Variants in ELP4 observed in about 807,000 individuals in gnomAD.
ELP4 encodes elongator complex protein 4.
In ELP4, 51 loss-of-function variants were observed where a neutral mutation model predicts 48.9. The observed-to-expected ratio is 1.04, with a 90% confidence interval of 0.83 to 1.32. The LOEUF (loss-of-function observed/expected upper bound fraction) is 1.32. ELP4 is among the 40% of genes most tolerant of loss of function. ELP4 has a pLI of 0.00. For missense variants in ELP4, 519 were observed against 514.6 expected, an observed-to-expected ratio of 1.01 and a Z score of -0.08; for synonymous variants, 210 against 189.2, an observed-to-expected ratio of 1.11 and a Z score of -0.90.
chr11:31,713,849 G>A (rs1414638582), intron 9 of ELP4, among the ~76,000 whole-genome samples: 2 of 152,074 alleles, frequency 1.3e-5, no homozygotes, highest in Non-Finnish European at 2.9e-5. Context: ...CTCCTCAAGG[G>A]GAGGTAACAG....
intron 7 of ELP4, among the ~76,000 whole-genome samples, chr11:31,642,845 T>A (rs1018130579): frequency 1.3e-5 from 2 of 151,848 alleles, no homozygotes; most frequent in African/African-American, 4.8e-5. Flanking sequence ...GGGACAAGTT[T>A]GTAAAAAGTT....
At chr11:31,705,317 G>T (rs1282701097) in intron 9 of ELP4, among the ~76,000 whole-genome samples, 1 of 151,990 alleles carries the variant, frequency 6.6e-6, no homozygotes, top group Non-Finnish European at 1.5e-5. Flanking sequence ...TCCCATCATG[G>T]GGCCCCACCC....
intron 3 of ELP4, among the ~76,000 whole-genome samples, chr11:31,548,739 T>C (rs1956781571): frequency 6.6e-6 from 1 of 152,094 alleles, no homozygotes; most frequent in African/African-American, 2.4e-5. Context: ...CAAACTATAC[T>C]ACAAGGCTAC....
Position 31,601,425 on chromosome 11 carries a change from CTAAA to C in ELP4, c.514-2337_514-2334del, listed in dbSNP as rs547781605. ...TAGCTACCATATCTAATTTTAATTT[CTAAA>C]TAAATTAATAACAATTATAATGAGA... On this transcript the variant is annotated intron_variant, in intron 4 of 9. Coordinates refer to ENST00000640961, the MANE Select transcript of ELP4 (RefSeq NM_019040.5). Among the ~76,000 whole-genome samples, 414 of 151,988 alleles carry C rather than the reference CTAAA, an allele frequency of 2.7e-3. 2 individuals carry two copies. The highest frequency in any genetic ancestry group is 9.5e-3 in the African/African-American group (392 of 41,474).
chr11:31,620,362 G>A (rs1167511195), intron 5 of ELP4, among the ~76,000 whole-genome samples: 1 of 152,040 alleles, frequency 6.6e-6, no homozygotes, highest in Non-Finnish European at 1.5e-5. Flanking sequence ...GCAGGTGAGT[G>A]AAAGGTGTGG....
At chr11:31,731,181 G>A (rs1244715749) in intron 9 of ELP4, among the ~76,000 whole-genome samples, 1 of 151,946 alleles carries the variant, frequency 6.6e-6, no homozygotes, top group Non-Finnish European at 1.5e-5. Flanking sequence ...ATAAGAACGT[G>A]AAGAAACAGG....
chr11:31,539,738 T>C lies in ELP4; in HGVS notation c.336T>C (p.Thr112=), dbSNP rs368275336. The change falls in exon 3 of 10, where the codon ACT becomes ACC. Residue 112 remains threonine, a synonymous_variant. Coordinates refer to ENST00000640961, the MANE Select transcript of ELP4 (RefSeq NM_019040.5). ...FLAEGIVNGH[T]LLVASAKEDP... ...CAGAAGGAATTGTCAATGGGCATAC[T>C]TTGTTGGTTGCATCTGCTAAAGAGG... The C allele has an allele frequency of 1.2e-6, 2 of 1,612,378 alleles. No homozygotes were observed. Among genetic ancestry groups the C allele is most frequent in the Non-Finnish European group, 8.5e-7 (1 of 1,179,198 alleles).
intron 7 of ELP4, chr11:31,633,679 A>G (rs1243532110): frequency 6.6e-6 from 1 of 152,030 alleles, no homozygotes; most frequent in Non-Finnish European, 1.5e-5. Context: ...TTAGTACTCG[A>G]ATAATAGTTT....
intron 3 of ELP4, among the ~76,000 whole-genome samples, chr11:31,554,048 A>G (rs1000916571): frequency 6.6e-6 from 1 of 152,116 alleles, no homozygotes; most frequent in Non-Finnish European, 1.5e-5. Flanking sequence ...TAGGTTACGC[A>G]CTCCGAATGA....
At chr11:31,571,404 TTC>T (rs1233394429) in intron 3 of ELP4, among the ~76,000 whole-genome samples, 2 of 152,232 alleles carry the variant, frequency 1.3e-5, no homozygotes, top group African/African-American at 2.4e-5. Flanking sequence ...CTAATTCTAG[TTC>T]TCTTGCTCTT....
Position 31,785,699 on chromosome 11 carries a change from A to G in ELP4, c.*2175A>G, listed in dbSNP as rs1401727341. 1 of 192,844 alleles carries G rather than the reference A, an allele frequency of 5.2e-6. No homozygotes were observed. Among genetic ancestry groups the G allele is most frequent in the Non-Finnish European group, 1.1e-5 (1 of 92,412 alleles). 11.9% of individuals were successfully genotyped at this position (192,844 alleles called of 1,614,324 possible). ...GTATTTTTGTCTTCCTCTGATAAAA[A>G]CGCACTCTGAAAATGTGTTTTCCTT... On this transcript the variant is annotated 3_prime_UTR_variant, in exon 10 of 10. Transcript: ENST00000640961.
chr11:31,551,628 T>C (rs1956853181), intron 3 of ELP4, among the ~76,000 whole-genome samples: 1 of 152,186 alleles, frequency 6.6e-6, no homozygotes, highest in Non-Finnish European at 1.5e-5. Flanking sequence ...CCGTGAACTT[T>C]TTAAAGACTC....
intron 9 of ELP4, among the ~76,000 whole-genome samples, chr11:31,736,914 C>G (rs1947332074): frequency 6.6e-6 from 1 of 152,168 alleles, no homozygotes; most frequent in South Asian, 2.1e-4. Flanking sequence ...TGTGGCGATT[C>G]CTTAGGGATC....
intron 9 of ELP4, among the ~76,000 whole-genome samples, chr11:31,729,615 A>G (rs1185787849): frequency 5.9e-5 from 9 of 152,222 alleles, no homozygotes; most frequent in Non-Finnish European, 1.2e-4. Context: ...GGCTTTCTAT[A>G]TGCATAAATG....
At chr11:31,617,206 T>C (rs566060398) in intron 5 of ELP4, among the ~76,000 whole-genome samples, 1 of 152,128 alleles carries the variant, frequency 6.6e-6, no homozygotes, top group African/African-American at 2.4e-5. Context: ...ATATACCATA[T>C]AATGAAATGT....
At chr11:31,582,813 T>TC (rs1335082789) in intron 3 of ELP4, among the ~76,000 whole-genome samples, 1 of 151,002 alleles carries the variant, frequency 6.6e-6, no homozygotes, top group Admixed American at 6.7e-5. Flanking sequence ...TCCTTTAGTC[T>TC]CCCCATCTCT....
chr11:31,728,305 A>T (rs1400893090), intron 9 of ELP4, among the ~76,000 whole-genome samples: 1 of 152,106 alleles, frequency 6.6e-6, no homozygotes, highest in Non-Finnish European at 1.5e-5. Flanking sequence ...TATTACTGTT[A>T]TAATTTTTTC....
At chr11:31,622,177 A>T (rs1470281993) in intron 5 of ELP4, among the ~76,000 whole-genome samples, 5 of 151,778 alleles carry the variant, frequency 3.3e-5, no homozygotes, top group Admixed American at 6.6e-5. Flanking sequence ...CTATGTATAG[A>T]TTTTTCACTT....
At chr11:31,646,072 T>C (rs1343592149) in intron 7 of ELP4, 2 of 151,758 alleles carry the variant, frequency 1.3e-5, no homozygotes, top group Admixed American at 6.6e-5. Flanking sequence ...GGAACATGTT[T>C]ATGGCCTCTG....
Sources: gnomAD v4.1 joint callset for allele counts (sites outside exome capture counted in the v4.1 genomes callset) on GRCh38, gnomAD v4.1.1 for gene constraint, MANE v1.5 for transcripts, NCBI Gene and HGNC (gene_info 2026-07-23, HGNC 2026-07-21) for gene names.